DACH1: variants seen among roughly 807,000 people sequenced by gnomAD.
DACH1 encodes the protein dachshund homolog 1.
Under a neutral mutation model 54.2 loss-of-function variants are expected in DACH1, and 12 were observed. The observed-to-expected ratio is 0.22, with a 90% CI of 0.14 to 0.36. The LOEUF (loss-of-function observed/expected upper bound fraction) is 0.36, where lower values mean the gene tolerates loss of function less well. DACH1 is among the 10% of genes least tolerant of loss of function. DACH1 has a pLI of 1.00. For missense variants in DACH1, 805 were observed against 929.8 expected (o/e 0.87, Z 1.75); for synonymous variants, 386 against 366.2 (o/e 1.05, Z -0.62).
chr13:71,804,113 G>T (rs1477018077), intron 1 of DACH1, among the ~76,000 whole-genome samples: 1 of 151,988 alleles, frequency 6.6e-6, no homozygotes, highest in Non-Finnish European at 1.5e-5. Flanking sequence ...GAGCCCAGGA[G>T]TTAGAGACCA....
intron 6 of DACH1, among the ~76,000 whole-genome samples, chr13:71,551,081 A>AGTT (rs1208390396): frequency 6.6e-6 from 1 of 152,056 alleles, no homozygotes; most frequent in Non-Finnish European, 1.5e-5. Context: ...GCTCCCATAT[A>AGTT]GTTGTTGTAT....
At chr13:71,663,627 G>A (rs1566415765) in intron 2 of DACH1, among the ~76,000 whole-genome samples, 1 of 152,024 alleles carries the variant, frequency 6.6e-6, no homozygotes, top group Non-Finnish European at 1.5e-5. Context: ...AATATTTAGT[G>A]GTTAAGGTTA....
In DACH1 at chr13:71,572,831, A is replaced by G. The variant is rs1352355366; in HGVS notation, c.1299+9T>C. 1 of 1,603,194 alleles carries G rather than the reference A, an allele frequency of 6.2e-7. No homozygotes were observed. The highest frequency in any genetic ancestry group is 1.3e-5 in the African/African-American group (1 of 74,492). On this transcript the variant is annotated intron_variant, in intron 4 of 10. Coordinates refer to ENST00000613252, the MANE Select transcript of DACH1 (RefSeq NM_080759.6). ...ACATGCCAAAATAATTGTATAAAAA[A>G]AGAATTACCTTAATAACTGATGTCT...
chr13:71,595,005 A>G (rs1185866892), intron 3 of DACH1, among the ~76,000 whole-genome samples: 1 of 152,164 alleles, frequency 6.6e-6, no homozygotes, highest in Non-Finnish European at 1.5e-5. Context: ...GAAGGAGGAT[A>G]GGGAGTATCT....
chr13:71,779,164 T>C (rs1329225059), intron 1 of DACH1, among the ~76,000 whole-genome samples: 1 of 80,594 alleles, frequency 1.2e-5, no homozygotes, highest in South Asian at 2.8e-4. Context: ...TATACGTATA[T>C]ACGTATATAT....
At chr13:71,575,713 TTTCTC>T (rs1312311328) in intron 3 of DACH1, among the ~76,000 whole-genome samples, 2 of 152,090 alleles carry the variant, frequency 1.3e-5, no homozygotes, top group Non-Finnish European at 2.9e-5. Flanking sequence ...ATATGTGAAT[TTTCTC>T]TAGTAAGTTT....
chr13:71,500,839 C>T (rs1879855011), intron 6 of DACH1, among the ~76,000 whole-genome samples: 2 of 151,938 alleles, frequency 1.3e-5, no homozygotes, highest in Non-Finnish European at 2.9e-5. Flanking sequence ...TCATGCCCTA[C>T]AAATCATAGA....
At chr13:71,475,016 T>C (rs754107148) in intron 10 of DACH1, 125 bp downstream of exon 10, 2 of 767,022 alleles carry the variant, frequency 2.6e-6, no homozygotes, top group Admixed American at 2.4e-5. Flanking sequence ...CAAGATGAAC[T>C]TGACCTTGTT....
At chr13:71,806,708 C>T (rs895947751) in intron 1 of DACH1, among the ~76,000 whole-genome samples, 15 of 152,134 alleles carry the variant, frequency 9.9e-5, no homozygotes, top group Non-Finnish European at 1.8e-4. Context: ...TATCACAATA[C>T]TATTAGTCTA....
chr13:71,827,753 A>G (rs1888434674), intron 1 of DACH1, among the ~76,000 whole-genome samples: 1 of 152,098 alleles, frequency 6.6e-6, no homozygotes, highest in East Asian at 1.9e-4. Flanking sequence ...TGAAGAAGTG[A>G]GAAAAGAATA....
chr13:71,472,502 G>T (rs907467901), intron 10 of DACH1, among the ~76,000 whole-genome samples: 2 of 152,136 alleles, frequency 1.3e-5, no homozygotes, highest in Non-Finnish European at 2.9e-5. Context: ...TTTATTTATT[G>T]CCAGAAATGT....
chr13:71,675,010 G>C (rs1880465980), intron 2 of DACH1: 1 of 653,582 alleles, frequency 1.5e-6, no homozygotes, highest in South Asian at 1.7e-5. Context: ...GCCGCCTCTC[G>C]CTCGCCGAGC....
chr13:71,732,155 T>C (rs897485606), intron 1 of DACH1, among the ~76,000 whole-genome samples: 2 of 152,170 alleles, frequency 1.3e-5, no homozygotes, highest in Non-Finnish European at 2.9e-5. Context: ...AAAGACGACT[T>C]ATTTTTTTCC....
intron 1 of DACH1, among the ~76,000 whole-genome samples, chr13:71,694,092 G>C (rs1317738593): frequency 6.6e-6 from 1 of 152,136 alleles, no homozygotes; most frequent in Non-Finnish European, 1.5e-5. Flanking sequence ...AGGCAAGATG[G>C]CTGACGCAAC....
intron 2 of DACH1, among the ~76,000 whole-genome samples, chr13:71,676,435 C>G (rs1362249301): frequency 2.0e-5 from 3 of 152,286 alleles, no homozygotes; most frequent in East Asian, 3.9e-4. Context: ...CCAGGCTGGT[C>G]TCGAACTCCT....
In DACH1 at chr13:71,761,456, A is replaced by G. The variant is rs112689655; in HGVS notation, c.849-79546T>C. Among the ~76,000 whole-genome samples the G allele has an allele frequency of 3.3e-5, 5 of 152,282 alleles. No homozygotes were observed. The South Asian group carries it at 1.0e-3, about 32-fold the overall frequency. On this transcript the variant is annotated intron_variant, in intron 1 of 10. Transcript: ENST00000613252. ...CTTTTCCTCTCAATTTTACAATACT[A>G]TATTCTCCTGTCCTAAAATCATCGT...
At chr13:71,677,435 C>T (rs998954329) in intron 2 of DACH1, among the ~76,000 whole-genome samples, 2 of 152,272 alleles carry the variant, frequency 1.3e-5, no homozygotes, top group African/African-American at 4.8e-5. Context: ...TCTAAGGTTA[C>T]ACACAAGCCC....
rs181382722 is a variant in DACH1 at position 71,834,721 on chromosome 13, G to A, written c.848+31201C>T. Reference sequence around the variant, plus strand: ...CTGATGCACTACTTAAATTGGTTTCGTTTTCCCATTTCAAAAATTGGGACT... The same window carrying A: ...CTGATGCACTACTTAAATTGGTTTCATTTTCCCATTTCAAAAATTGGGACT... On this transcript the variant is annotated intron_variant, in intron 1 of 10. Transcript: ENST00000613252. Among the ~76,000 whole-genome samples, 3 of 151,884 alleles carry A rather than the reference G, an allele frequency of 2.0e-5. No individual in the cohort carries two copies. The East Asian group carries it at 5.8e-4, about 29-fold the overall frequency.
chr13:71,592,676 A>C (rs1338384755), intron 3 of DACH1, among the ~76,000 whole-genome samples: 1 of 152,088 alleles, frequency 6.6e-6, no homozygotes, highest in African/African-American at 2.4e-5. Context: ...ATACAGTATG[A>C]GCATTACAAG....
Sources: allele counts gnomAD v4.1 joint callset (sites outside exome capture counted in the v4.1 genomes callset), GRCh38; gene constraint gnomAD v4.1.1; transcripts MANE v1.5; gene names NCBI Gene and HGNC (gene_info 2026-07-23, HGNC 2026-07-21).